The following CAMK4 variants were observed in gnomAD, a reference collection of about 807,000 sequenced individuals.
CAMK4 encodes the protein calcium/calmodulin dependent protein kinase IV.
A neutral mutation model predicts 44.9 loss-of-function variants in CAMK4; 22 were observed. That is an observed-to-expected ratio of 0.49 (90% CI 0.35 to 0.70). CAMK4 has a LOEUF of 0.70. Ranked by LOEUF, CAMK4 falls within the 30% of genes least tolerant of loss-of-function variation. The probability of loss-of-function intolerance (pLI) is 0.01; values close to 1 mark genes in which losing one functional copy is unlikely to be tolerated. For synonymous variants in CAMK4, 218 were observed against 215.4 expected (o/e 1.01, Z -0.11); for missense variants, 498 against 586.8 (o/e 0.85, Z 1.56).
intron 1 of CAMK4, among the ~76,000 whole-genome samples, chr5:111,308,508 A>G (rs1432950876): frequency 1.3e-5 from 2 of 152,222 alleles, no homozygotes; most frequent in Non-Finnish European, 2.9e-5. Context: ...AAAGATATTT[A>G]TCTACAAGCT....
chr5:111,260,522 T>A (rs1749928913), intron 1 of CAMK4, among the ~76,000 whole-genome samples: 1 of 152,154 alleles, frequency 6.6e-6, no homozygotes, highest in Non-Finnish European at 1.5e-5. Flanking sequence ...ATATTTTCAG[T>A]TATAACCCAG....
intron 1 of CAMK4, among the ~76,000 whole-genome samples, chr5:111,300,616 T>C (rs1205484532): frequency 6.6e-6 from 1 of 152,244 alleles, no homozygotes; most frequent in Non-Finnish European, 1.5e-5. Flanking sequence ...AATAATATAA[T>C]TGACTTTTTA....
intron 5 of CAMK4, among the ~76,000 whole-genome samples, chr5:111,423,651 A>G (rs969697991): frequency 6.6e-6 from 1 of 152,230 alleles, no homozygotes; most frequent in African/African-American, 2.4e-5. Flanking sequence ...TTTAAGTTGA[A>G]TATCACTGAG....
chr5:111,388,172 G>A (rs1445015451), intron 4 of CAMK4, among the ~76,000 whole-genome samples: 9 of 152,250 alleles, frequency 5.9e-5, no homozygotes, highest in African/African-American at 9.6e-5. Context: ...TGCAGTGTGC[G>A]GAGTTCACAC....
chr5:111,224,531 G>C lies in CAMK4; in HGVS notation c.48G>C (p.Ser16=), dbSNP rs1264010229. The change falls in exon 1 of 11, where the codon TCG becomes TCC. Residue 16 remains serine, a synonymous_variant. Transcript: ENST00000282356. This position sits in a 1 kb window ranked among gnomAD's most constrained non-coding sequence, Gnocchi z 5.7. The part of the protein sequence containing the change: ...VPSCSASSCS[S]VTASAAPGTA... ...CCTGCTCCGCCTCGTCCTGCTCTTC[G>C]GTCACCGCCAGTGCGGCCCCGGGGA... 7.4e-6 allele frequency: 12 copies of C among 1,611,308 alleles called. No homozygotes were observed. Among genetic ancestry groups the C allele is most frequent in the Non-Finnish European group, 9.3e-6 (11 of 1,179,224 alleles).
intron 5 of CAMK4, among the ~76,000 whole-genome samples, chr5:111,421,766 C>T (rs1753040627): frequency 6.6e-6 from 1 of 152,014 alleles, no homozygotes; most frequent in African/African-American, 2.4e-5. Context: ...GTGTCTCCAC[C>T]CAAATCACAT....
At chr5:111,316,337 C>G (rs1166003901) in intron 1 of CAMK4, among the ~76,000 whole-genome samples, 1 of 152,204 alleles carries the variant, frequency 6.6e-6, no homozygotes, top group Non-Finnish European at 1.5e-5. Context: ...CACTGTCCCA[C>G]TTAACTGTTC....
rs200372667 is a variant in CAMK4 at position 111,439,932 on chromosome 5, A to AT, written c.460-6754_460-6753insT. Among the ~76,000 whole-genome samples, 705 of 152,322 alleles carry AT rather than the reference A, an allele frequency of 4.6e-3. 1 individual carries two copies. The highest frequency in any genetic ancestry group is 0.024 in the Middle Eastern group (7 of 294). ...TGGGTTGAGAAAAATGAGTCAGAAC[A>AT]GGGTATTGGGTTTGATAGGACAAAA... is the stretch of plus-strand genomic sequence containing the variant. On this transcript the variant is annotated intron_variant, in intron 5 of 10. Transcript: ENST00000282356.
intron 7 of CAMK4, among the ~76,000 whole-genome samples, chr5:111,454,730 C>T (rs1359686805): frequency 6.6e-6 from 1 of 151,622 alleles, no homozygotes; most frequent in Non-Finnish European, 1.5e-5. Context: ...TATTAACTGC[C>T]AAAATGTTTT....
chr5:111,240,368 G>A (rs1475791529), intron 1 of CAMK4, among the ~76,000 whole-genome samples: 3 of 151,142 alleles, frequency 2.0e-5, no homozygotes, highest in Non-Finnish European at 4.4e-5. Flanking sequence ...GTTTGTGCAC[G>A]CTGATAAAAC....
chr5:111,401,087 C>G (rs1355599871), intron 5 of CAMK4, among the ~76,000 whole-genome samples: 3 of 152,142 alleles, frequency 2.0e-5, no homozygotes, highest in African/African-American at 7.2e-5. Context: ...ACTTTGGAGC[C>G]TAGAGAAATT....
Position 111,224,410 on chromosome 5 carries a change from G to C in CAMK4, c.-74G>C. On this transcript the variant is annotated 5_prime_UTR_variant, in exon 1 of 11. Transcript: ENST00000282356. This position sits in a 1 kb window ranked among gnomAD's most constrained non-coding sequence, Gnocchi z 5.7. ...TCTCTCGCTCCTGCGTTCGCAGGCG[G>C]CGGCTGGCGGCCGGCTTCTCGCTCG... The C allele has an allele frequency of 6.7e-7, 1 of 1,484,956 alleles. No individual in the cohort carries two copies. Among genetic ancestry groups the C allele is most frequent in the Non-Finnish European group, 8.9e-7 (1 of 1,122,042 alleles). 92.0% of individuals were successfully genotyped at this position (1,484,956 alleles called of 1,614,324 possible).
chr5:111,250,385 C>A (rs901997376), intron 1 of CAMK4, among the ~76,000 whole-genome samples: 14 of 152,176 alleles, frequency 9.2e-5, no homozygotes, highest in Non-Finnish European at 1.6e-4. Context: ...ACTGACTCTT[C>A]TTAAAAATCA....
chr5:111,458,098 C>A (rs1229710040), intron 7 of CAMK4, among the ~76,000 whole-genome samples: 3 of 152,166 alleles, frequency 2.0e-5, no homozygotes, highest in African/African-American at 4.8e-5. Flanking sequence ...GAGGGTACCC[C>A]ATATCCATCT....
intron 5 of CAMK4, among the ~76,000 whole-genome samples, chr5:111,397,435 C>T (rs1349708135): frequency 2.0e-5 from 3 of 152,044 alleles, no homozygotes; most frequent in Non-Finnish European, 2.9e-5. Context: ...CACTTACTCC[C>T]CAGCTAAGTA....
chr5:111,346,945 C>A (rs561009711), intron 2 of CAMK4, among the ~76,000 whole-genome samples: 1 of 152,010 alleles, frequency 6.6e-6, no homozygotes, highest in African/African-American at 2.4e-5. Flanking sequence ...CCCAAACTCC[C>A]CGATGGCTTA....
intron 2 of CAMK4, among the ~76,000 whole-genome samples, chr5:111,369,672 A>G (rs1207785942): frequency 2.0e-5 from 3 of 152,138 alleles, no homozygotes; most frequent in Non-Finnish European, 2.9e-5. Context: ...CTCAGTATCC[A>G]TGGGAGATTG....
chr5:111,494,220 CA>C lies in CAMK4; in HGVS notation c.*9757del, dbSNP rs763014218. On this transcript the variant is annotated 3_prime_UTR_variant, in exon 11 of 11. Coordinates refer to ENST00000282356, the MANE Select transcript of CAMK4 (RefSeq NM_001744.6). ...ACAAGAGCATGTAAGATTTGGAGGA[CA>C]AAGTATAAATATTTTAAGTTTACAC... 1.3e-5 allele frequency: 2 copies of C among 152,134 alleles called. No homozygotes were observed. The highest frequency in any genetic ancestry group is 1.3e-4 in the Admixed American group (2 of 15,272). 9.4% of individuals were successfully genotyped at this position (152,134 alleles called of 1,614,324 possible).
chr5:111,466,168 A>C (rs1484070606), intron 7 of CAMK4, among the ~76,000 whole-genome samples: 2 of 152,154 alleles, frequency 1.3e-5, no homozygotes, highest in Non-Finnish European at 2.9e-5. Context: ...GATTAAAACC[A>C]TCAGCAAAAT....
Sources: gnomAD v4.1 joint callset for allele counts (sites outside exome capture counted in the v4.1 genomes callset) on GRCh38, gnomAD v4.1.1 for gene constraint, Gnocchi (gnomAD v3.1) non-coding constraint, MANE v1.5 for transcripts, NCBI Gene and HGNC (gene_info 2026-07-23, HGNC 2026-07-21) for gene names.